Variants in OR1J2 observed in about 807,000 individuals in gnomAD.
OR1J2 encodes the protein olfactory receptor 1J2.
For synonymous variants in OR1J2, 142 were observed against 99.7 expected, an observed-to-expected ratio of 1.42 and a Z score of -2.52; for missense variants, 304 against 246.1, an observed-to-expected ratio of 1.24 and a Z score of -1.57.
the OR1J2 span, chr9:122,553,640 C>G: frequency 1.2e-6 from 2 of 1,614,000 alleles, no homozygotes; most frequent in South Asian, 2.2e-5. Flanking sequence ...GTCCCCAGCT[C>G]TGTGCACTAA....
the OR1J2 span, among the ~76,000 whole-genome samples, chr9:122,530,767 G>A: frequency 6.0e-3 from 909 of 152,278 alleles, 11 homozygotes; most frequent in African/African-American, 0.02. Context: ...AAGGAAAAAG[G>A]GGTGTTGTTC....
the OR1J2 span, among the ~76,000 whole-genome samples, chr9:122,462,375 A>G: frequency 1.3e-5 from 2 of 152,182 alleles, no homozygotes; most frequent in African/African-American, 4.8e-5. Flanking sequence ...CCGTTCTGCC[A>G]TTCTGTATCT....
At chr9:122,570,469 C>A in the OR1J2 span, among the ~76,000 whole-genome samples, 1 of 152,174 alleles carries the variant, frequency 6.6e-6, no homozygotes, top group Non-Finnish European at 1.5e-5. Context: ...TAAATGCTTA[C>A]ATTTTTCTTG....
chr9:122,535,071 G>A, the OR1J2 span, among the ~76,000 whole-genome samples: 5 of 151,914 alleles, frequency 3.3e-5, no homozygotes, highest in Admixed American at 3.3e-4. Context: ...GAGGGTGGAA[G>A]CTTGCCCATA....
At chr9:122,519,651 G>C in the OR1J2 span, 2 of 1,613,932 alleles carry the variant, frequency 1.2e-6, no homozygotes, top group Admixed American at 3.3e-5. Context: ...CTTTTGTGCT[G>C]ACAACACCAT....
chr9:122,466,232 C>T, the OR1J2 span, among the ~76,000 whole-genome samples: 1 of 152,090 alleles, frequency 6.6e-6, no homozygotes, highest in Admixed American at 6.6e-5. Context: ...GACAAACAAA[C>T]AAAAACAACA....
At chr9:122,563,382 A>T in the OR1J2 span, among the ~76,000 whole-genome samples, 41,436 of 152,054 alleles carry the variant, frequency 0.27, 5,814 homozygotes, top group Middle Eastern at 0.34. Flanking sequence ...TTTTTCCATA[A>T]GCTTGTTGAC....
chr9:122,553,675 C>G, the OR1J2 span: 1 of 1,614,144 alleles, frequency 6.2e-7, no homozygotes, highest in Non-Finnish European at 8.5e-7. Context: ...TGGGTGCTAA[C>G]CAACTGTCCT....
At chr9:122,528,505 G>A in the OR1J2 span, among the ~76,000 whole-genome samples, 6 of 152,276 alleles carry the variant, frequency 3.9e-5, 1 homozygote, top group South Asian at 8.3e-4. Context: ...GGCTGAGGCC[G>A]GAGAAGCACT....
the OR1J2 span, among the ~76,000 whole-genome samples, chr9:122,524,463 T>C: frequency 6.6e-6 from 1 of 152,192 alleles, no homozygotes; most frequent in Non-Finnish European, 1.5e-5. Context: ...TGTTAGACTA[T>C]TGAACAGTGA....
At chr9:122,480,840 G>C in the OR1J2 span, among the ~76,000 whole-genome samples, 1 of 151,744 alleles carries the variant, frequency 6.6e-6, no homozygotes, top group Non-Finnish European at 1.5e-5. Context: ...CTGTCACCAG[G>C]CTGGAGTGCA....
chr9:122,452,139 A>C, the OR1J2 span, among the ~76,000 whole-genome samples: 4 of 152,156 alleles, frequency 2.6e-5, no homozygotes, highest in East Asian at 5.8e-4. Flanking sequence ...CAGCCTCCCA[A>C]GGTGCTGGGA....
the OR1J2 span, among the ~76,000 whole-genome samples, chr9:122,494,459 C>A: frequency 1.4e-4 from 22 of 152,014 alleles, no homozygotes; most frequent in African/African-American, 1.9e-4. Context: ...TTTTTAACTG[C>A]TGTTTCTTTA....
chr9:122,566,240 T>G, the OR1J2 span, among the ~76,000 whole-genome samples: 1 of 152,266 alleles, frequency 6.6e-6, no homozygotes, highest in Non-Finnish European at 1.5e-5. Context: ...TTTCTTCAAC[T>G]GGTAATTTAT....
At chr9:122,572,865 A>C in the OR1J2 span, 1 of 152,208 alleles carries the variant, frequency 6.6e-6, no homozygotes, top group East Asian at 1.9e-4. Context: ...TCTGCTTCTT[A>C]GCCAAAGCTC....
chr9:122,519,478 T>C, the OR1J2 span: 1 of 1,614,162 alleles, frequency 6.2e-7, no homozygotes, highest in Non-Finnish European at 8.5e-7. Context: ...CTAGACAATT[T>C]CCTTCTCACT....
chr9:122,464,981 T>C, the OR1J2 span, among the ~76,000 whole-genome samples: 1 of 152,192 alleles, frequency 6.6e-6, no homozygotes, highest in Non-Finnish European at 1.5e-5. Context: ...ATACTTTCAT[T>C]TGCTGCTTGA....
the OR1J2 span, among the ~76,000 whole-genome samples, chr9:122,490,916 G>A: frequency 2.0e-5 from 3 of 152,122 alleles, no homozygotes; most frequent in Admixed American, 6.5e-5. Flanking sequence ...GTTTGCAGTG[G>A]GCAGAGGACA....
chr9:122,454,101 G>A, the OR1J2 span, among the ~76,000 whole-genome samples: 19 of 152,254 alleles, frequency 1.2e-4, no homozygotes, highest in African/African-American at 4.3e-4. Flanking sequence ...ATGTGGCTTC[G>A]GTCCAATCCT....
Sources: allele counts gnomAD v4.1 joint callset (sites outside exome capture counted in the v4.1 genomes callset), GRCh38; gene constraint gnomAD v4.1.1; transcripts MANE v1.5; gene names NCBI Gene and HGNC (gene_info 2026-07-23, HGNC 2026-07-21).